Variants in ABTB2 observed in about 807,000 individuals in gnomAD.
The protein encoded by ABTB2 is ankyrin repeat and BTB/POZ domain-containing protein 2.
A neutral mutation model predicts 104.1 loss-of-function variants in ABTB2; 56 were observed. That is an observed-to-expected ratio of 0.54 (90% confidence interval 0.43 to 0.67). ABTB2 has a LOEUF of 0.67. ABTB2 is among the 30% of genes least tolerant of loss of function. The pLI is 0.00. For missense variants in ABTB2, 1,279 were observed against 1,407.7 expected (o/e 0.91, Z 1.46); for synonymous variants, 606 against 608.2 (o/e 1.00, Z 0.05).
At chr11:34,160,208 G>A (rs1324839860) in intron 12 of ABTB2, 40 bp downstream of exon 12, 1 of 1,513,260 alleles carries the variant, frequency 6.6e-7, no homozygotes, top group South Asian at 1.1e-5. Context: ...AAGAGGGGGA[G>A]GACGTGTGGT....
At chr11:34,301,318 A>T (rs1422853632) in intron 1 of ABTB2, among the ~76,000 whole-genome samples, 1 of 152,216 alleles carries the variant, frequency 6.6e-6, no homozygotes, top group African/African-American at 2.4e-5. Context: ...ATTTAAAAAA[A>T]AATTGTGTTT....
intron 1 of ABTB2, among the ~76,000 whole-genome samples, chr11:34,304,986 T>C (rs548894119): frequency 2.8e-4 from 43 of 152,228 alleles, no homozygotes; most frequent in African/African-American, 9.2e-4. Context: ...TCAGGAGTTA[T>C]TTTGGCCACA....
At chr11:34,184,879 A>G (rs1174662859) in intron 3 of ABTB2, among the ~76,000 whole-genome samples, 1 of 152,198 alleles carries the variant, frequency 6.6e-6, no homozygotes, top group Non-Finnish European at 1.5e-5. Context: ...CTCACCAGAG[A>G]CCACGAGCTC....
chr11:34,237,299 T>A (rs376237317), intron 1 of ABTB2, among the ~76,000 whole-genome samples: 3 of 145,428 alleles, frequency 2.1e-5, no homozygotes, highest in Admixed American at 1.4e-4. Context: ...TTTTTTTTTT[T>A]AGACCGAGTC....
chr11:34,317,360 T>G (rs927987589), intron 1 of ABTB2, among the ~76,000 whole-genome samples: 1 of 151,876 alleles, frequency 6.6e-6, no homozygotes, highest in South Asian at 2.1e-4. Flanking sequence ...GAGTTGGGGG[T>G]TTGTCTCCTC....
chr11:34,301,743 G>T (rs530369594), intron 1 of ABTB2, among the ~76,000 whole-genome samples: 1 of 152,320 alleles, frequency 6.6e-6, no homozygotes, highest in South Asian at 2.1e-4. Context: ...CAACACCTTA[G>T]GATGCCAAGG....
intron 1 of ABTB2, among the ~76,000 whole-genome samples, chr11:34,336,704 T>C (rs1049991556): frequency 2.0e-5 from 3 of 151,012 alleles, no homozygotes; most frequent in African/African-American, 7.3e-5. Context: ...TAGACCCGGG[T>C]TTGTTTCCAA....
chr11:34,263,094 G>A (rs1052368046), intron 1 of ABTB2, among the ~76,000 whole-genome samples: 4 of 152,118 alleles, frequency 2.6e-5, no homozygotes, highest in Non-Finnish European at 5.9e-5. Flanking sequence ...AAATGCTTTG[G>A]TGGTAGCTCT....
chr11:34,329,382 C>A (rs1050778682), intron 1 of ABTB2, among the ~76,000 whole-genome samples: 3 of 152,210 alleles, frequency 2.0e-5, no homozygotes, highest in African/African-American at 7.2e-5. Context: ...ACTCCACCCC[C>A]CTGCCCAGAT....
At chr11:34,239,684 A>G (rs1166004561) in intron 1 of ABTB2, among the ~76,000 whole-genome samples, 1 of 152,154 alleles carries the variant, frequency 6.6e-6, no homozygotes, top group Non-Finnish European at 1.5e-5. Flanking sequence ...AGACACAGCT[A>G]TGCAAACAGA....
intron 1 of ABTB2, among the ~76,000 whole-genome samples, chr11:34,232,657 C>G (rs559141320): frequency 6.6e-6 from 1 of 152,022 alleles, no homozygotes; most frequent in Admixed American, 6.6e-5. Flanking sequence ...AAGTATTTAT[C>G]GAGCCCTTGG....
intron 1 of ABTB2, among the ~76,000 whole-genome samples, chr11:34,277,687 G>A (rs536352350): frequency 5.6e-4 from 85 of 151,502 alleles, no homozygotes; most frequent in African/African-American, 1.7e-3. Flanking sequence ...GGCTGAGGCA[G>A]GAGAATCGCT....
intron 1 of ABTB2, among the ~76,000 whole-genome samples, chr11:34,219,073 G>A (rs564382566): frequency 1.3e-5 from 2 of 151,956 alleles, no homozygotes; most frequent in African/African-American, 4.8e-5. Context: ...GGAATACAGA[G>A]GTGAGTAAGA....
Position 34,278,429 on chromosome 11 carries a change from A to AT in ABTB2, c.884-73740dup, listed in dbSNP as rs1414526910. ...CAAAGAAGGAAAGACAGTGCATTGCATTTTCTAAATATATTTGGCCATGGA... is the reference window on the plus strand; with the variant it reads ...CAAAGAAGGAAAGACAGTGCATTGCATTTTTCTAAATATATTTGGCCATGGA... On this transcript the variant is annotated intron_variant, in intron 1 of 16. Transcript: ENST00000435224. Among the ~76,000 whole-genome samples the AT allele has an allele frequency of 3.3e-5, 5 of 152,214 alleles. No homozygotes were observed. In the East Asian group the frequency reaches 9.7e-4, roughly 29 times the overall value.
At chr11:34,200,442 C>A (rs1025767565) in intron 2 of ABTB2, among the ~76,000 whole-genome samples, 2 of 152,144 alleles carry the variant, frequency 1.3e-5, no homozygotes, top group East Asian at 1.9e-4. Flanking sequence ...AGATGGAGGT[C>A]CCCGGCTTCT....
rs76042353 is a variant in ABTB2 at position 34,339,721 on chromosome 11, T to C, written c.883+16980A>G. ...AGTTTAAACTCCTCTCTTGTAACAA[T>C]GGTGATGAAAATTACTGGATTCCCT... On this transcript the variant is annotated intron_variant, in intron 1 of 16. Transcript: ENST00000435224. 4.6e-3 allele frequency among the ~76,000 whole-genome samples: 698 copies of C among 152,282 alleles called. 2 individuals are homozygous for C. Among genetic ancestry groups the C allele is most frequent in the Middle Eastern group, 0.01 (3 of 294 alleles).
rs542108511 is a variant in ABTB2 at position 34,167,157 on chromosome 11, T to C, written c.1755+102A>G. On this transcript the variant is annotated intron_variant, in intron 7 of 16. Coordinates refer to ENST00000435224, the MANE Select transcript of ABTB2 (RefSeq NM_145804.3). ...CCTCAAGCAGTGCCTTTGGGATCTCTGATTCAGGGCACCTGCCCACTCAGC... is the reference window on the plus strand; with the variant it reads ...CCTCAAGCAGTGCCTTTGGGATCTCCGATTCAGGGCACCTGCCCACTCAGC... 5 of 1,120,878 alleles carry C rather than the reference T, an allele frequency of 4.5e-6. No individual in the cohort carries two copies. The East Asian group carries it at 1.1e-4, about 24-fold the overall frequency. The allele number at this position is 1,120,878 out of a possible 1,614,324, so 69.4% of individuals were successfully genotyped here.
At chr11:34,169,352 T>C (rs986512656) in intron 5 of ABTB2, among the ~76,000 whole-genome samples, 1 of 152,102 alleles carries the variant, frequency 6.6e-6, no homozygotes, top group South Asian at 2.1e-4. Context: ...ACGACTACAA[T>C]AATCATCATA....
chr11:34,355,206 C>G (rs560762674), intron 1 of ABTB2, among the ~76,000 whole-genome samples: 1 of 152,236 alleles, frequency 6.6e-6, no homozygotes, highest in African/African-American at 2.4e-5. Flanking sequence ...CAACTGTTCT[C>G]GAAAACTGGG....
Sources: gnomAD v4.1 joint callset for allele counts (sites outside exome capture counted in the v4.1 genomes callset) on GRCh38, gnomAD v4.1.1 for gene constraint, MANE v1.5 for transcripts, NCBI Gene and HGNC (gene_info 2026-07-23, HGNC 2026-07-21) for gene names.